DYNC1I1: variants seen among roughly 807,000 people sequenced by gnomAD.
DYNC1I1 encodes cytoplasmic dynein 1 intermediate chain 1.
In DYNC1I1, 43 loss-of-function variants were observed where a neutral mutation model predicts 86.6. The observed-to-expected ratio is 0.50, with a 90% CI of 0.39 to 0.64. The LOEUF is 0.64. Among genes scored for constraint, DYNC1I1 ranks in the 30% least tolerant of loss-of-function variants. The probability of loss-of-function intolerance (pLI) is 0.00; values close to 1 mark genes in which losing one functional copy is unlikely to be tolerated. For missense variants in DYNC1I1, 604 were observed against 788.8 expected (o/e 0.77, Z 2.81); for synonymous variants, 262 against 283.7 (o/e 0.92, Z 0.77).
At chr7:95,787,153 T>A (rs935774474) in intron 1 of DYNC1I1, among the ~76,000 whole-genome samples, 2 of 152,196 alleles carry the variant, frequency 1.3e-5, no homozygotes, top group Non-Finnish European at 2.9e-5. Flanking sequence ...GTCCCCAACA[T>A]AAAATGCCAA....
chr7:95,932,318 A>C (rs1365951276), intron 6 of DYNC1I1, among the ~76,000 whole-genome samples: 1 of 152,236 alleles, frequency 6.6e-6, no homozygotes, highest in Non-Finnish European at 1.5e-5. Flanking sequence ...GCACATTTTC[A>C]CAACAGAGAA....
intron 1 of DYNC1I1, among the ~76,000 whole-genome samples, chr7:95,781,070 T>C (rs898441008): frequency 1.6e-4 from 24 of 152,038 alleles, no homozygotes; most frequent in African/African-American, 5.6e-4. Context: ...TCAGAAGGTA[T>C]AGGTTACAGC....
intron 6 of DYNC1I1, among the ~76,000 whole-genome samples, chr7:95,946,216 T>TGA (rs927471622): frequency 1.3e-5 from 2 of 151,706 alleles, no homozygotes; most frequent in African/African-American, 4.8e-5. Flanking sequence ...AATACCTAGG[T>TGA]GATGGTTTGA....
chr7:96,037,095 A>G (rs761344345), intron 13 of DYNC1I1, among the ~76,000 whole-genome samples: 15 of 152,198 alleles, frequency 9.9e-5, no homozygotes, highest in Non-Finnish European at 1.8e-4. Flanking sequence ...TGGCTCAGCT[A>G]TGTGACTTTT....
intron 6 of DYNC1I1, among the ~76,000 whole-genome samples, chr7:95,918,460 CG>C (rs754294608): frequency 1.4e-4 from 21 of 152,114 alleles, no homozygotes; most frequent in Non-Finnish European, 2.9e-4. Flanking sequence ...CCCTTCCTGG[CG>C]GTGGCAAAAC....
intron 6 of DYNC1I1, among the ~76,000 whole-genome samples, chr7:95,923,719 C>G (rs1341612364): frequency 6.6e-6 from 1 of 152,138 alleles, no homozygotes; most frequent in Admixed American, 6.6e-5. Flanking sequence ...GCAATTTAAA[C>G]TTTCCCATAA....
At chr7:95,775,819 A>G (rs2115611518) in intron 1 of DYNC1I1, among the ~76,000 whole-genome samples, 2 of 152,336 alleles carry the variant, frequency 1.3e-5, no homozygotes, top group Middle Eastern at 6.8e-3. Context: ...GAGAACATAT[A>G]TTCTCCTGGG....
At position 96,098,161 on chromosome 7, in the gene DYNC1I1, G is replaced by A. The variant is rs1361808769; in HGVS notation, c.*568G>A. On this transcript the variant is annotated 3_prime_UTR_variant, in exon 17 of 17. Transcript: ENST00000447467. ...ATCCTAGAGCATGTGCATAATGAGA[G>A]GACTGTATTCTCTCTGCTGCTGTTG... 6 of 981,218 alleles carry A rather than the reference G, an allele frequency of 6.1e-6. No individual in the cohort carries two copies. Among genetic ancestry groups the A allele is most frequent in the South Asian group, 4.7e-5 (1 of 21,288 alleles). The allele number at this position is 981,218 out of a possible 1,614,324, so 60.8% of individuals were successfully genotyped here.
At chr7:96,007,981 G>A (rs1794182819) in intron 10 of DYNC1I1, among the ~76,000 whole-genome samples, 2 of 152,158 alleles carry the variant, frequency 1.3e-5, no homozygotes, top group South Asian at 4.1e-4. Context: ...AGTAAGAGCT[G>A]CTGAGACCCA....
At chr7:95,993,811 A>G (rs1793790835) in intron 9 of DYNC1I1, among the ~76,000 whole-genome samples, 2 of 152,216 alleles carry the variant, frequency 1.3e-5, no homozygotes, top group Admixed American at 6.5e-5. Context: ...CATAAAGGCA[A>G]TCTTCCATTA....
intron 4 of DYNC1I1, among the ~76,000 whole-genome samples, chr7:95,827,754 G>A (rs1258557705): frequency 6.6e-6 from 1 of 152,122 alleles, no homozygotes; most frequent in Admixed American, 6.6e-5. Flanking sequence ...CCAAATCAAT[G>A]AGGCTTCAAT....
At chr7:95,835,486 G>C (rs969973222) in intron 5 of DYNC1I1, among the ~76,000 whole-genome samples, 221 of 151,426 alleles carry the variant, frequency 1.5e-3, no homozygotes, top group African/African-American at 5.0e-3. Flanking sequence ...TGTCTATTAG[G>C]TCTGCTTGGT....
chr7:96,002,692 G>T (rs1297298991), intron 10 of DYNC1I1, among the ~76,000 whole-genome samples: 1 of 152,136 alleles, frequency 6.6e-6, no homozygotes, highest in African/African-American at 2.4e-5. Context: ...ATGGGGGGTT[G>T]TGACTGAGGG....
chr7:95,868,747 G>A (rs1790082007), intron 5 of DYNC1I1, among the ~76,000 whole-genome samples: 1 of 152,140 alleles, frequency 6.6e-6, no homozygotes, highest in East Asian at 1.9e-4. Context: ...TATGCATTAT[G>A]TGTATGTGGT....
chr7:95,866,444 A>C (rs113849238), intron 5 of DYNC1I1, among the ~76,000 whole-genome samples: 141 of 152,326 alleles, frequency 9.3e-4, no homozygotes, highest in African/African-American at 3.2e-3. Context: ...TTTTAAGTAC[A>C]TGGCCCTGGG....
intron 6 of DYNC1I1, among the ~76,000 whole-genome samples, chr7:95,895,864 C>G (rs1562936802): frequency 1.3e-5 from 2 of 152,204 alleles, no homozygotes; most frequent in Non-Finnish European, 2.9e-5. Context: ...AGTATCCTGT[C>G]TTATGCCACT....
chr7:95,932,559 G>A (rs1456127662), intron 6 of DYNC1I1, among the ~76,000 whole-genome samples: 10 of 152,124 alleles, frequency 6.6e-5, no homozygotes, highest in African/African-American at 1.9e-4. Context: ...GCTTGACCCC[G>A]CCTGAGAAAA....
At chr7:96,061,427 C>T (rs951253321) in intron 14 of DYNC1I1, among the ~76,000 whole-genome samples, 1 of 152,010 alleles carries the variant, frequency 6.6e-6, no homozygotes, top group African/African-American at 2.4e-5. Context: ...CCATCCAAAG[C>T]GTAAGAGAGG....
chr7:95,895,218 T>C (rs78329287), intron 6 of DYNC1I1, among the ~76,000 whole-genome samples: 10,317 of 152,246 alleles, frequency 0.068, 459 homozygotes, highest in African/African-American at 0.13. Flanking sequence ...TCACTTTTCG[T>C]CACATGTCAC....
Sources: gnomAD v4.1 joint callset for allele counts (sites outside exome capture counted in the v4.1 genomes callset) on GRCh38, gnomAD v4.1.1 for gene constraint, MANE v1.5 for transcripts, NCBI Gene and HGNC (gene_info 2026-07-23, HGNC 2026-07-21) for gene names.